The following UBXN4 variants were observed in gnomAD, a reference collection of about 807,000 sequenced individuals.
UBXN4 encodes UBX domain-containing protein 4.
In UBXN4, 35 loss-of-function variants were observed where a neutral mutation model predicts 66.2. The observed-to-expected ratio is 0.53, with a 90% CI of 0.40 to 0.70. The LOEUF (loss-of-function observed/expected upper bound fraction) is 0.70, where lower values mean the gene tolerates loss of function less well. UBXN4 is among the 30% of genes least tolerant of loss of function. The pLI, the probability that UBXN4 is intolerant of heterozygous loss-of-function variation, is 0.00. For synonymous variants in UBXN4, 203 were observed against 204.5 expected (o/e 0.99, Z 0.06); for missense variants, 533 against 599.8 (o/e 0.89, Z 1.16).
At position 135,776,257 on chromosome 2, in the gene UBXN4, C is replaced by T. The variant is rs559209921; in HGVS notation, c.959C>T (p.Ala320Val). 1.5e-5 allele frequency: 24 copies of T among 1,613,660 alleles called. No homozygotes were observed. The Admixed American group carries it at 1.8e-4, about 12-fold the overall frequency. Residue 320 changes from alanine (A) to valine (V), a missense_variant, in exon 10 of 13, where the codon GCA becomes GTA. This residue lies in a region of UBXN4 where 529 missense variants were observed against 580.1 expected (regional missense o/e 0.91). Transcript: ENST00000272638. The part of the protein sequence containing the change: ...ESYARERSTV[A>V]RIQFRLPDGS... The stretch of plus-strand genomic sequence containing the variant: ...ATTTTCTTTTTTCATAGCACTGTTG[C>T]AAGAATTCAATTCCGTCTTCCTGAT...
In UBXN4 at chr2:135,776,349, C is replaced by G. The variant is rs767807642; in HGVS notation, c.1051C>G (p.Gln351Glu). ...AGAAGAGGCAAGGCAGTTTGCTGCA[C>G]AGGTAAATTTATGTCTTGAGTTGTA... is the stretch of plus-strand genomic sequence containing the variant. ...PLEEARQFAA[Q>E]TVGNTYGNFS... The change falls in exon 10 of 13, where the codon CAG (glutamine) becomes GAG (glutamate). Residue 351 changes from glutamine to glutamate, a missense_variant and splice_region_variant. Physicochemically the swap from Gln to Glu is conservative, Grantham distance 29. This residue lies in a region of UBXN4 where 529 missense variants were observed against 580.1 expected (regional missense o/e 0.91). Coordinates refer to ENST00000272638, the MANE Select transcript of UBXN4 (RefSeq NM_014607.4). 2.5e-6 allele frequency: 4 copies of G among 1,610,576 alleles called. No individual in the cohort carries two copies. Among genetic ancestry groups the G allele is most frequent in the African/African-American group, 2.7e-5 (2 of 74,726 alleles).
chr2:135,765,360 C>T (rs780622695), intron 6 of UBXN4, among the ~76,000 whole-genome samples: 4 of 152,010 alleles, frequency 2.6e-5, no homozygotes, highest in South Asian at 2.1e-4. Flanking sequence ...CAGGTGCCCA[C>T]CACCACACCC....
intron 5 of UBXN4, 53 bp from the exon 6 acceptor site, chr2:135,761,765 T>G: frequency 7.1e-7 from 1 of 1,412,670 alleles, no homozygotes; most frequent in Non-Finnish European, 9.6e-7. Context: ...TTTATTCCTT[T>G]AAAAAGTTGC....
chr2:135,773,320 T>G (rs1396685923), intron 9 of UBXN4, among the ~76,000 whole-genome samples: 1 of 152,190 alleles, frequency 6.6e-6, no homozygotes, highest in Non-Finnish European at 1.5e-5. Context: ...CTGTTTTAGC[T>G]TCATTCTTAG....
At chr2:135,755,172 TA>T (rs1281429739) in intron 4 of UBXN4, among the ~76,000 whole-genome samples, 1 of 152,192 alleles carries the variant, frequency 6.6e-6, no homozygotes, top group Non-Finnish European at 1.5e-5. Flanking sequence ...TCTAACTATA[TA>T]TTGCTTAATA....
At chr2:135,780,425 T>C (rs2077442542) in intron 12 of UBXN4, 40 bp downstream of exon 12, 2 of 1,581,446 alleles carry the variant, frequency 1.3e-6, no homozygotes, top group Non-Finnish European at 1.7e-6. Flanking sequence ...AATATGTAAG[T>C]CATGCCCAGT....
chr2:135,767,737 T>A (rs1239338403), intron 6 of UBXN4, among the ~76,000 whole-genome samples: 1 of 152,224 alleles, frequency 6.6e-6, no homozygotes, highest in Admixed American at 6.5e-5. Flanking sequence ...GTATATGTCT[T>A]GGTGAACATG....
chr2:135,765,343 G>A (rs771936655), intron 6 of UBXN4, among the ~76,000 whole-genome samples: 13 of 151,860 alleles, frequency 8.6e-5, no homozygotes, highest in Non-Finnish European at 1.8e-4. Flanking sequence ...CCGAGTAGCT[G>A]GGATTACAGG....
chr2:135,754,328 A>ATTTT, intron 4 of UBXN4, 51 bp downstream of exon 4: 1 of 1,236,252 alleles, frequency 8.1e-7, no homozygotes, highest in Admixed American at 2.0e-5. Context: ...CAGGAATTGG[A>ATTTT]TTTTTTTTTT....
chr2:135,782,672 G>A, intron 12 of UBXN4, 77 bp from the exon 13 acceptor site: 2 of 1,550,434 alleles, frequency 1.3e-6, no homozygotes, highest in Non-Finnish European at 1.7e-6. Flanking sequence ...CTGTACTGAT[G>A]GAAGTTGGAA....
intron 6 of UBXN4, 27 bp from the exon 7 acceptor site, chr2:135,769,739 TTAG>T (rs747889158): frequency 6.1e-6 from 9 of 1,475,346 alleles, no homozygotes; most frequent in South Asian, 1.3e-5. Context: ...TGTGTCTCAA[TTAG>T]TGGTGGTTTT....
chr2:135,768,559 T>G (rs1453792617), intron 6 of UBXN4, among the ~76,000 whole-genome samples: 2 of 150,962 alleles, frequency 1.3e-5, no homozygotes, highest in African/African-American at 4.9e-5. Context: ...GCTCAGCTGA[T>G]TTTATATTAT....
intron 3 of UBXN4, 138 bp from the exon 4 acceptor site, chr2:135,754,021 T>G: frequency 1.5e-6 from 1 of 648,644 alleles, no homozygotes; most frequent in Non-Finnish European, 2.7e-6. Flanking sequence ...AATGATGCAG[T>G]ACTTGAAATT....
intron 10 of UBXN4, among the ~76,000 whole-genome samples, chr2:135,777,373 G>T (rs2077422497): frequency 6.6e-6 from 1 of 152,034 alleles, no homozygotes; most frequent in Non-Finnish European, 1.5e-5. Flanking sequence ...TCCACATTTG[G>T]TCGTCTTCTT....
At position 135,754,342 on chromosome 2, in the gene UBXN4, G is replaced by A. The variant is rs1057315139; in HGVS notation, c.333+65G>A. On this transcript the variant is annotated intron_variant, in intron 4 of 12. Coordinates refer to ENST00000272638, the MANE Select transcript of UBXN4 (RefSeq NM_014607.4). The stretch of plus-strand genomic sequence containing the variant: ...TCAGGAATTGGATTTTTTTTTTTGA[G>A]ATGGAGTCTCGTTCTGTCGCCCAGG... The A allele has an allele frequency of 1.3e-5, 17 of 1,286,022 alleles. No homozygotes were observed. In the Admixed American group the frequency reaches 3.0e-4, roughly 22 times the overall value. 79.7% of individuals were successfully genotyped at this position (1,286,022 alleles called of 1,614,324 possible).
chr2:135,780,280 T>A lies in UBXN4; in HGVS notation c.1283T>A (p.Leu428Ter). ...TATCCATTCCTTGCCATCTGGAGATTAATTAGCAATTTCTTGTTTAGTAAT... is the reference window on the plus strand; with the variant it reads ...TATCCATTCCTTGCCATCTGGAGATAAATTAGCAATTTCTTGTTTAGTAAT... ...VLYPFLAIWR[L>*]ISNFLFSNPP... The change falls in exon 12 of 13, where the codon TTA becomes TAA. Residue 428 changes from leucine (L) to a stop codon, truncating the protein, a stop_gained. Transcript: ENST00000272638. LOFTEE classifies it high-confidence loss of function. 6.2e-7 allele frequency: 1 copy of A among 1,614,192 alleles called. No individual in the cohort carries two copies. The highest frequency in any genetic ancestry group is 8.5e-7 in the Non-Finnish European group (1 of 1,180,036).
rs1457997947 is a variant in UBXN4, at chr2:135,778,183, AAAAAAC to A, written c.1054-759_1054-754del. Among the ~76,000 whole-genome samples, 878 of 151,242 alleles carry A rather than the reference AAAAAAC, an allele frequency of 5.8e-3. 4 individuals are homozygous for A. Among genetic ancestry groups the A allele is most frequent in the Non-Finnish European group, 7.9e-3 (532 of 67,748 alleles). On this transcript the variant is annotated intron_variant, in intron 10 of 12. Transcript: ENST00000272638. ...CAGAGCAAGACTGTCTCAAAAAAAA[AAAAAAC>A]AAAAAAAAACCCAAAAAACAAAAAT...
At chr2:135,775,876 C>G (rs1028798185) in intron 9 of UBXN4, among the ~76,000 whole-genome samples, 1 of 152,152 alleles carries the variant, frequency 6.6e-6, no homozygotes, top group African/African-American at 2.4e-5. Context: ...AAGCCATTCT[C>G]CCTGCCTTAG....
At chr2:135,774,131 A>G (rs2077398808) in intron 9 of UBXN4, among the ~76,000 whole-genome samples, 1 of 152,240 alleles carries the variant, frequency 6.6e-6, no homozygotes, top group African/African-American at 2.4e-5. Flanking sequence ...CTGCAAAGCT[A>G]TACAGTGATG....
Sources: allele counts gnomAD v4.1 joint callset (sites outside exome capture counted in the v4.1 genomes callset), GRCh38; gene constraint gnomAD v4.1.1; regional missense constraint gnomAD v4.1.1; transcripts MANE v1.5; gene names NCBI Gene and HGNC (gene_info 2026-07-23, HGNC 2026-07-21).